The following UBE3D variants were observed in gnomAD, a reference collection of about 807,000 sequenced individuals.
The protein encoded by UBE3D is E3 ubiquitin-protein ligase E3D.
Under a neutral mutation model 49.6 loss-of-function variants are expected in UBE3D, and 48 were observed. That is an observed-to-expected ratio of 0.97 (90% CI 0.77 to 1.23). The LOEUF is 1.23. Among genes scored for constraint, UBE3D ranks in the 50% most tolerant of loss-of-function variants. The pLI is 0.00. For synonymous variants in UBE3D, 189 were observed against 174.2 expected, an observed-to-expected ratio of 1.08 and a Z score of -0.67; for missense variants, 452 against 468.4, an observed-to-expected ratio of 0.96 and a Z score of 0.32.
At chr6:82,889,634 C>T (rs577423905), downstream of UBE3D, among the ~76,000 whole-genome samples, 22 of 152,248 alleles carry the variant, frequency 1.4e-4, no homozygotes, top group Non-Finnish European at 2.5e-4. Flanking sequence ...TCTGAAATAG[C>T]ACCTAATCTT....
At chr6:82,918,894 C>T (rs1241682803) in intron 9 of UBE3D, among the ~76,000 whole-genome samples, 10 of 151,998 alleles carry the variant, frequency 6.6e-5, no homozygotes, top group Non-Finnish European at 1.2e-4. Context: ...TATAAGCCCC[C>T]GATTTTAATT....
intron 8 of UBE3D, among the ~76,000 whole-genome samples, chr6:82,978,063 G>C (rs778695062): frequency 6.6e-6 from 1 of 151,912 alleles, no homozygotes; most frequent in Non-Finnish European, 1.5e-5. Flanking sequence ...CCCACATCTC[G>C]GTGGGAAAGG....
At chr6:83,045,908 A>G (rs1782995104) in intron 3 of UBE3D, among the ~76,000 whole-genome samples, 1 of 152,098 alleles carries the variant, frequency 6.6e-6, no homozygotes, top group African/African-American at 2.4e-5. Flanking sequence ...CAGTTTCTCA[A>G]TATTTCCTTA....
At chr6:82,988,805 C>T (rs1778694975) in intron 8 of UBE3D, among the ~76,000 whole-genome samples, 1 of 151,256 alleles carries the variant, frequency 6.6e-6, no homozygotes, top group Admixed American at 6.6e-5. Flanking sequence ...CATAGTTGAA[C>T]CTAAGGTACA....
intron 9 of UBE3D, among the ~76,000 whole-genome samples, chr6:82,944,743 G>T (rs1051084837): frequency 6.6e-6 from 1 of 152,160 alleles, no homozygotes; most frequent in African/African-American, 2.4e-5. Flanking sequence ...TGCCCTGAAG[G>T]GTGAGTCCCA....
At chr6:82,952,388 A>T (rs978315046) in intron 9 of UBE3D, among the ~76,000 whole-genome samples, 2 of 151,964 alleles carry the variant, frequency 1.3e-5, no homozygotes, top group African/African-American at 4.8e-5. Flanking sequence ...ACTAAAAAAA[A>T]TTAGCTATTA....
At position 83,030,072 on chromosome 6, in the gene UBE3D, T is replaced by C. The variant is rs767190280; in HGVS notation, c.668-6034A>G. Among the ~76,000 whole-genome samples, 75 of 152,172 alleles carry C rather than the reference T, an allele frequency of 4.9e-4. 1 individual carries two copies. The highest frequency in any genetic ancestry group is 4.0e-4 in the Non-Finnish European group (27 of 68,034). On this transcript the variant is annotated intron_variant, in intron 5 of 9. Transcript: ENST00000369747. Reference sequence around the variant, plus strand: ...ACATATAATAGATACTCCCTGCCATTTTTTGTGTGTATGCAGAGTTTAGCA... The same window carrying C: ...ACATATAATAGATACTCCCTGCCATCTTTTGTGTGTATGCAGAGTTTAGCA...
chr6:83,016,680 TATAA>T (rs1455698376), intron 8 of UBE3D, among the ~76,000 whole-genome samples: 2 of 151,144 alleles, frequency 1.3e-5, no homozygotes, highest in Admixed American at 6.6e-5. Flanking sequence ...AATCTTCATA[TATAA>T]ATATATAAAT....
intron 9 of UBE3D, among the ~76,000 whole-genome samples, chr6:82,949,510 A>G (rs1009963314): frequency 6.6e-6 from 1 of 152,098 alleles, no homozygotes; most frequent in Non-Finnish European, 1.5e-5. Context: ...TAGAAAAAAA[A>G]AATCTTAAAA....
At chr6:82,893,148 T>C (rs1472847518) in intron 9 of UBE3D, 106 bp from the exon 10 acceptor site, 1 of 1,331,468 alleles carries the variant, frequency 7.5e-7, no homozygotes, top group South Asian at 1.2e-5. Flanking sequence ...TAAGATCATA[T>C]GCTTGTTTAA....
At chr6:83,041,275 G>GT (rs1187023196) in intron 4 of UBE3D, among the ~76,000 whole-genome samples, 1 of 152,116 alleles carries the variant, frequency 6.6e-6, no homozygotes, top group Non-Finnish European at 1.5e-5. Context: ...CAGGAGAAGT[G>GT]TTTTTTGTTT....
At chr6:82,996,724 T>A (rs1213250556) in intron 8 of UBE3D, among the ~76,000 whole-genome samples, 1 of 152,088 alleles carries the variant, frequency 6.6e-6, no homozygotes, top group Non-Finnish European at 1.5e-5. Flanking sequence ...AGTCTAATCA[T>A]GAGAAAAACA....
chr6:82,987,594 G>T (rs144913090), intron 8 of UBE3D, among the ~76,000 whole-genome samples: 168 of 152,318 alleles, frequency 1.1e-3, no homozygotes, highest in African/African-American at 3.9e-3. Context: ...TGCTGACCAT[G>T]ATGTGAAGCA....
chr6:82,900,417 G>A (rs1352839319), intron 9 of UBE3D, among the ~76,000 whole-genome samples: 1 of 152,070 alleles, frequency 6.6e-6, no homozygotes, highest in African/African-American at 2.4e-5. Flanking sequence ...ATCCTAGGAG[G>A]GGCCATGAAC....
At chr6:83,063,517 T>C (rs918846310) in intron 1 of UBE3D, among the ~76,000 whole-genome samples, 3 of 151,986 alleles carry the variant, frequency 2.0e-5, no homozygotes, top group Admixed American at 1.3e-4. Flanking sequence ...GCTCTTGTTT[T>C]GAGACAGTAT....
At chr6:83,059,801 G>A (rs1379279168) in intron 1 of UBE3D, among the ~76,000 whole-genome samples, 1 of 152,114 alleles carries the variant, frequency 6.6e-6, no homozygotes, top group African/African-American at 2.4e-5. Flanking sequence ...TGACACAGTG[G>A]CCCAGCATGG....
At chr6:82,916,904 A>C (rs964801733) in intron 9 of UBE3D, among the ~76,000 whole-genome samples, 1 of 152,182 alleles carries the variant, frequency 6.6e-6, no homozygotes, top group African/African-American at 2.4e-5. Context: ...TAATCTACCC[A>C]GCTTCCTGCC....
intron 8 of UBE3D, among the ~76,000 whole-genome samples, chr6:83,001,110 C>A (rs1027442457): frequency 6.6e-6 from 1 of 152,202 alleles, no homozygotes; most frequent in Non-Finnish European, 1.5e-5. Context: ...TCCCAAAGTG[C>A]TGGAATTACA....
chr6:83,023,647 A>G (rs1015526587), intron 6 of UBE3D, among the ~76,000 whole-genome samples: 1 of 152,210 alleles, frequency 6.6e-6, no homozygotes, highest in Non-Finnish European at 1.5e-5. Context: ...AAAACCAAAC[A>G]TCGTATGTTC....
Sources: gnomAD v4.1 joint callset for allele counts (sites outside exome capture counted in the v4.1 genomes callset) on GRCh38, gnomAD v4.1.1 for gene constraint, MANE v1.5 for transcripts, NCBI Gene and HGNC (gene_info 2026-07-23, HGNC 2026-07-21) for gene names.